CMIP: variants seen among roughly 807,000 people sequenced by gnomAD.
CMIP encodes the protein C-Maf-inducing protein.
A neutral mutation model predicts 97.3 loss-of-function variants in CMIP; 13 were observed. The ratio of observed to expected loss-of-function variants is 0.13; its 90% CI spans 0.09 to 0.21. The LOEUF (loss-of-function observed/expected upper bound fraction) is 0.21, where lower values mean the gene tolerates loss of function less well. Among genes scored for constraint, CMIP ranks in the 10% least tolerant of loss-of-function variants. CMIP has a pLI of 1.00. For synonymous variants in CMIP, 538 were observed against 436.3 expected (o/e 1.23, Z -2.91); for missense variants, 847 against 1,024.9 (o/e 0.83, Z 2.37).
At chr16:81,512,757 G>T (rs1470287773) in intron 1 of CMIP, among the ~76,000 whole-genome samples, 1 of 151,288 alleles carries the variant, frequency 6.6e-6, no homozygotes, top group Non-Finnish European at 1.5e-5. Context: ...TTTTTTTTGA[G>T]ACAGAGTCTT....
intron 1 of CMIP, among the ~76,000 whole-genome samples, chr16:81,527,457 T>G (rs1462413569): frequency 1.3e-5 from 2 of 152,230 alleles, no homozygotes; most frequent in African/African-American, 4.8e-5. Flanking sequence ...TTCTTTCTTT[T>G]TATTGAAGTA....
chr16:81,512,500 G>A (rs971754744), intron 1 of CMIP, among the ~76,000 whole-genome samples: 6 of 152,152 alleles, frequency 3.9e-5, no homozygotes, highest in South Asian at 2.1e-4. Flanking sequence ...GGGATCATCC[G>A]AAGAAGGGCT....
intron 1 of CMIP, among the ~76,000 whole-genome samples, chr16:81,560,311 C>T (rs1000142484): frequency 5.3e-5 from 8 of 151,312 alleles, no homozygotes; most frequent in Admixed American, 6.6e-5. Context: ...CTCCGCCTCC[C>T]GGGTTCACGC....
At chr16:81,617,553 G>C (rs2091936160) in intron 2 of CMIP, 1 of 152,444 alleles carries the variant, frequency 6.6e-6, no homozygotes, top group African/African-American at 2.4e-5. Flanking sequence ...GGCTGGGCTA[G>C]CCATCGTGGA....
chr16:81,465,477 C>G (rs867186474), intron 1 of CMIP, among the ~76,000 whole-genome samples: 1 of 152,230 alleles, frequency 6.6e-6, no homozygotes, highest in Non-Finnish European at 1.5e-5. Flanking sequence ...TGTTCTCTGT[C>G]CCCAGACTGG....
intron 1 of CMIP, among the ~76,000 whole-genome samples, chr16:81,485,588 G>A (rs1011365416): frequency 2.6e-5 from 4 of 152,278 alleles, no homozygotes; most frequent in South Asian, 4.1e-4. Flanking sequence ...TGTCCCTCCC[G>A]ACTCAGTGGG....
chr16:81,504,765 A>G (rs546790252), intron 1 of CMIP, among the ~76,000 whole-genome samples: 7 of 151,656 alleles, frequency 4.6e-5, no homozygotes, highest in African/African-American at 1.5e-4. Context: ...GTCTGTGCCT[A>G]TCTGCAGAGC....
chr16:81,545,114 G>T (rs1038907175), intron 1 of CMIP, among the ~76,000 whole-genome samples: 1 of 152,124 alleles, frequency 6.6e-6, no homozygotes, highest in African/African-American at 2.4e-5. Flanking sequence ...CACAGCCAGG[G>T]TTCCCCTTTC....
chr16:81,471,000 A>T (rs1355743670), intron 1 of CMIP, among the ~76,000 whole-genome samples: 1 of 151,710 alleles, frequency 6.6e-6, no homozygotes, highest in African/African-American at 2.4e-5. Flanking sequence ...ACACACATGC[A>T]CACAGGCACA....
chr16:81,657,553 G>C (rs1262562934), intron 4 of CMIP, among the ~76,000 whole-genome samples: 3 of 152,048 alleles, frequency 2.0e-5, no homozygotes, highest in Non-Finnish European at 4.4e-5. Context: ...CCGAAACAGG[G>C]ACAAGAACTC....
chr16:81,456,187 C>T (rs1199820046), intron 1 of CMIP, among the ~76,000 whole-genome samples: 3 of 152,224 alleles, frequency 2.0e-5, no homozygotes, highest in Non-Finnish European at 2.9e-5. Context: ...CCCAGCAGGG[C>T]CAGACAGAGC....
intron 1 of CMIP, among the ~76,000 whole-genome samples, chr16:81,544,825 T>C (rs926270753): frequency 6.6e-6 from 1 of 152,082 alleles, no homozygotes; most frequent in Admixed American, 6.6e-5. Flanking sequence ...GTGTATGCCA[T>C]GTGTGTGCGT....
rs994814944 is a variant in CMIP at position 81,682,884 on chromosome 16, G to A, written c.1388+4256G>A. Among the ~76,000 whole-genome samples, 5 of 152,194 alleles carry A rather than the reference G, an allele frequency of 3.3e-5. 1 individual carries two copies. Among genetic ancestry groups the A allele is most frequent in the Non-Finnish European group, 5.9e-5 (4 of 68,038 alleles). ...AGGAAAACTATTCCAAATGCGGGTC[G>A]AGGTTGATGGTGAAAAAAATCACCG... On this transcript the variant is annotated intron_variant, in intron 10 of 20. Coordinates refer to ENST00000537098, the MANE Select transcript of CMIP (RefSeq NM_198390.3).
intron 1 of CMIP, among the ~76,000 whole-genome samples, chr16:81,466,422 A>G (rs879649533): frequency 7.2e-5 from 11 of 152,294 alleles, no homozygotes; most frequent in Middle Eastern, 3.4e-3. Flanking sequence ...GAGGCCAGGG[A>G]TGTGCAGTTG....
intron 3 of CMIP, among the ~76,000 whole-genome samples, chr16:81,636,659 A>T (rs1315278383): frequency 6.6e-6 from 1 of 151,756 alleles, no homozygotes; most frequent in Non-Finnish European, 1.5e-5. Flanking sequence ...CACCGTCATG[A>T]TTCCAATTTC....
intron 3 of CMIP, among the ~76,000 whole-genome samples, chr16:81,644,739 C>G (rs2092344193): frequency 6.6e-6 from 1 of 152,216 alleles, no homozygotes; most frequent in Non-Finnish European, 1.5e-5. Flanking sequence ...ACCAGCCAGC[C>G]ATTGTCCCCG....
In CMIP at chr16:81,517,465, A is replaced by AT. The variant is rs574638639; in HGVS notation, c.300+71930dup. On this transcript the variant is annotated intron_variant, in intron 1 of 20. Coordinates refer to ENST00000537098, the MANE Select transcript of CMIP (RefSeq NM_198390.3). ...TCACACAAATGCATAACACAAAGGT[A>AT]TTTTTTAATATGTATATGATTGCAT... 5.4e-4 allele frequency among the ~76,000 whole-genome samples: 83 copies of AT among 152,346 alleles called. 1 individual carries two copies. Among genetic ancestry groups the AT allele is most frequent in the Admixed American group, 1.6e-3 (24 of 15,310 alleles).
chr16:81,531,562 AG>A (rs2090236450), intron 1 of CMIP, among the ~76,000 whole-genome samples: 1 of 152,228 alleles, frequency 6.6e-6, no homozygotes, highest in East Asian at 1.9e-4. Context: ...CTGACCAAGT[AG>A]GAAGTTGGGA....
intron 11 of CMIP, among the ~76,000 whole-genome samples, chr16:81,692,802 G>A (rs1437644923): frequency 1.3e-5 from 2 of 152,196 alleles, no homozygotes; most frequent in Non-Finnish European, 2.9e-5. Context: ...AGTAATGAGT[G>A]CCGCCCGCCT....
Sources: allele counts gnomAD v4.1 joint callset (sites outside exome capture counted in the v4.1 genomes callset), GRCh38; gene constraint gnomAD v4.1.1; transcripts MANE v1.5; gene names NCBI Gene and HGNC (gene_info 2026-07-23, HGNC 2026-07-21).